The following PCDHGB3 variants were observed in gnomAD, a reference collection of about 807,000 sequenced individuals.
The protein encoded by PCDHGB3 is protocadherin gamma-B3.
PCDHGB3 carries 40 observed loss-of-function variants against 59.2 expected under a neutral mutation model. The observed-to-expected ratio is 0.68, with a 90% confidence interval of 0.52 to 0.88. PCDHGB3 has a LOEUF of 0.88. PCDHGB3 is among the 40% of genes least tolerant of loss of function. PCDHGB3 has a pLI of 0.00. For missense variants in PCDHGB3, 1,309 were observed against 1,187.9 expected (o/e 1.10, Z -1.50); for synonymous variants, 581 against 503.6 (o/e 1.15, Z -2.06).
intron 1 of PCDHGB3, among the ~76,000 whole-genome samples, chr5:141,447,984 G>C (rs1300057273): frequency 6.6e-6 from 1 of 151,952 alleles, no homozygotes; most frequent in African/African-American, 2.4e-5. Context: ...TACTCGGGAG[G>C]CTGAGGCATG....
chr5:141,384,957 C>T (rs1561605479), intron 1 of PCDHGB3: 2 of 1,613,966 alleles, frequency 1.2e-6, no homozygotes, highest in African/African-American at 2.7e-5. Flanking sequence ...GTCCTTACAA[C>T]TATGACCTCA....
rs776773140 is a variant in PCDHGB3, at chr5:141,476,589, G to A, written c.2416-18218G>A. 5 of 1,614,246 alleles carry A rather than the reference G, an allele frequency of 3.1e-6. No individual in the cohort carries two copies. Among genetic ancestry groups the A allele is most frequent in the Non-Finnish European group, 4.2e-6 (5 of 1,180,046 alleles). On this transcript the variant is annotated intron_variant, in intron 1 of 3. Coordinates refer to ENST00000576222, the MANE Select transcript of PCDHGB3 (RefSeq NM_018924.5). This position sits in a 1 kb window ranked among gnomAD's most constrained non-coding sequence, Gnocchi z 7.6. ...CCGGGGACGCGCTTTCCGCTCGAGA[G>A]CGCGCACGATCCCGATGTGGGAAGC...
chr5:141,474,961 A>G (rs1395755491), intron 1 of PCDHGB3, among the ~76,000 whole-genome samples: 1 of 152,254 alleles, frequency 6.6e-6, no homozygotes, highest in South Asian at 2.1e-4. Flanking sequence ...TCACTATCCT[A>G]ATCATTATAA....
Position 141,389,941 on chromosome 5 carries a change from T to C in PCDHGB3, c.2415+17132T>C, listed in dbSNP as rs772172943. 2.5e-6 allele frequency: 4 copies of C among 1,613,952 alleles called. No homozygotes were observed. In the African/African-American group the frequency reaches 5.3e-5, roughly 22 times the overall value. On this transcript the variant is annotated intron_variant, in intron 1 of 3. Coordinates refer to ENST00000576222, the MANE Select transcript of PCDHGB3 (RefSeq NM_018924.5). ...GACCCCTCTGACCTCCAGGCTGAGC[T>C]GCAGTTTTACCTAGTGGTGGCCTTG...
In PCDHGB3 at chr5:141,486,866, G is replaced by A; in HGVS notation, c.2416-7941G>A. Reference sequence around the variant, plus strand: ...GGACCTCAATGACAATGCTCCAGCTGTGCTCCGTCCTCGGGCCCGGCCTGG... The same window carrying A: ...GGACCTCAATGACAATGCTCCAGCTATGCTCCGTCCTCGGGCCCGGCCTGG... On this transcript the variant is annotated intron_variant, in intron 1 of 3. Transcript: ENST00000576222. The surrounding 1 kb of genome is among the most constrained non-coding windows in gnomAD (Gnocchi z 5.0). 6.2e-7 allele frequency: 1 copy of A among 1,614,202 alleles called. No homozygotes were observed. The highest frequency in any genetic ancestry group is 8.5e-7 in the Non-Finnish European group (1 of 1,180,038).
At chr5:141,403,039 T>A (rs989723883) in intron 1 of PCDHGB3, 64 of 1,614,050 alleles carry the variant, frequency 4.0e-5, no homozygotes, top group Non-Finnish European at 5.4e-5. Context: ...CCAGGGCCAG[T>A]CAGATTCGCT....
chr5:141,384,504 T>C (rs941539151), intron 1 of PCDHGB3: 1 of 1,614,048 alleles, frequency 6.2e-7, no homozygotes, highest in African/African-American at 1.3e-5. Context: ...TGACTGCACA[T>C]GACAGCGGGG....
chr5:141,414,375 G>C, intron 1 of PCDHGB3: 1 of 1,613,854 alleles, frequency 6.2e-7, no homozygotes, highest in Non-Finnish European at 8.5e-7. Flanking sequence ...AATTAGAAAA[G>C]TCCATTGACA....
intron 1 of PCDHGB3, chr5:141,420,076 T>C (rs764381539): frequency 3.3e-5 from 53 of 1,613,956 alleles, no homozygotes; most frequent in Non-Finnish European, 4.5e-5. Context: ...GACCTGTGGG[T>C]CCCCCCAACT....
chr5:141,398,711 C>T, intron 1 of PCDHGB3: 2 of 1,613,822 alleles, frequency 1.2e-6, no homozygotes, highest in South Asian at 1.1e-5. Context: ...CCGGAACTGG[C>T]ACTGGAGAAA....
intron 1 of PCDHGB3, chr5:141,388,690 A>T: frequency 6.2e-7 from 1 of 1,614,030 alleles, no homozygotes; most frequent in Middle Eastern, 1.6e-4. Context: ...GCCACGGACC[A>T]GGATGAGGGT....
chr5:141,473,312 A>G (rs1432409474), intron 1 of PCDHGB3, among the ~76,000 whole-genome samples: 1 of 152,228 alleles, frequency 6.6e-6, no homozygotes, highest in Non-Finnish European at 1.5e-5. Context: ...TGCTATATTA[A>G]TAAGCATTAA....
intron 1 of PCDHGB3, chr5:141,384,433 G>A (rs1351940709): frequency 6.2e-7 from 1 of 1,613,998 alleles, no homozygotes. Flanking sequence ...CTCTGACACT[G>A]GAGTCCTGTA....
chr5:141,399,711 A>G (rs1232938340), intron 1 of PCDHGB3: 5 of 1,613,236 alleles, frequency 3.1e-6, no homozygotes, highest in African/African-American at 1.3e-5. Context: ...AACTCACACT[A>G]CAGGCCCGCG....
intron 2 of PCDHGB3, among the ~76,000 whole-genome samples, chr5:141,498,260 A>C (rs1044675509): frequency 6.6e-6 from 1 of 152,140 alleles, no homozygotes; most frequent in Non-Finnish European, 1.5e-5. Flanking sequence ...GCTGGTGTTG[A>C]GTTCTTCAGT....
chr5:141,475,653 G>T (rs982063429), intron 1 of PCDHGB3, among the ~76,000 whole-genome samples: 2 of 152,238 alleles, frequency 1.3e-5, no homozygotes, highest in African/African-American at 2.4e-5. Context: ...CAAAGAAAGT[G>T]ATTCAAATGT....
chr5:141,470,986 G>T (rs1215610104), intron 1 of PCDHGB3, among the ~76,000 whole-genome samples: 1 of 151,540 alleles, frequency 6.6e-6, no homozygotes, highest in Non-Finnish European at 1.5e-5. Flanking sequence ...CAAAGTGCTG[G>T]GACTACAGGC....
rs369406530 is a variant in PCDHGB3, at chr5:141,393,504, A to C, written c.2415+20695A>C. On this transcript the variant is annotated intron_variant, in intron 1 of 3. Transcript: ENST00000576222. ...CTCTAGCACAGTGCGCATCCACGTG[A>C]CAGTGTTGGATACAAATGACAATGC... 16 of 1,613,918 alleles carry C rather than the reference A, an allele frequency of 9.9e-6. No individual in the cohort carries two copies. In the African/African-American group the frequency reaches 2.0e-4, roughly 20 times the overall value.
chr5:141,375,065 C>T (rs1366674805), intron 1 of PCDHGB3: 36 of 1,613,814 alleles, frequency 2.2e-5, no homozygotes, highest in Middle Eastern at 1.6e-4. Context: ...GCCAGGTCTT[C>T]GAGACAGAGC....
Sources: allele counts gnomAD v4.1 joint callset (sites outside exome capture counted in the v4.1 genomes callset), GRCh38; gene constraint gnomAD v4.1.1; non-coding constraint Gnocchi (gnomAD v3.1); transcripts MANE v1.5; gene names NCBI Gene and HGNC (gene_info 2026-07-23, HGNC 2026-07-21).